Variants in MOB3B observed in about 807,000 individuals in gnomAD.
MOB3B encodes MOB kinase activator 3B.
MOB3B carries 7 observed loss-of-function variants against 18.7 expected under a neutral mutation model. The observed-to-expected ratio is 0.37, with a 90% confidence interval of 0.21 to 0.70. The LOEUF (loss-of-function observed/expected upper bound fraction) is 0.70, where lower values mean the gene tolerates loss of function less well. Among genes scored for constraint, MOB3B ranks in the 30% least tolerant of loss-of-function variants. MOB3B has a pLI of 0.52. For synonymous variants in MOB3B, 111 were observed against 99.9 expected, an observed-to-expected ratio of 1.11 and a Z score of -0.66; for missense variants, 253 against 281.3, an observed-to-expected ratio of 0.90 and a Z score of 0.72.
At chr9:27,444,238 G>GGGAGGGAAGGAAGGAAGGAAGGAA (rs1269907922) in intron 2 of MOB3B, among the ~76,000 whole-genome samples, 5 of 107,912 alleles carry the variant, frequency 4.6e-5, no homozygotes, top group African/African-American at 1.9e-4. Flanking sequence ...GAGGGAGGGA[G>GGGAGGGAAGGAAGGAAGGAAGGAA]GGAAGGAAGG....
chr9:27,458,355 G>C (rs1819219910), intron 1 of MOB3B, among the ~76,000 whole-genome samples: 2 of 152,042 alleles, frequency 1.3e-5, no homozygotes, highest in Non-Finnish European at 2.9e-5. Flanking sequence ...TGACACCTCT[G>C]ACGGGAGCAT....
chr9:27,425,484 A>G (rs1422697824), intron 2 of MOB3B, among the ~76,000 whole-genome samples: 2 of 152,198 alleles, frequency 1.3e-5, no homozygotes, highest in South Asian at 2.1e-4. Context: ...TGTGATACAT[A>G]TAGTACCCAT....
rs1399222075 is a variant in MOB3B, at chr9:27,326,420, G to C, written c.*4167C>G. The C allele has an allele frequency of 5.0e-6, 2 of 398,356 alleles. No individual in the cohort carries two copies. Among genetic ancestry groups the C allele is most frequent in the Admixed American group, 8.8e-5 (2 of 22,714 alleles). 24.7% of individuals were successfully genotyped at this position (398,356 alleles called of 1,614,324 possible). On this transcript the variant is annotated 3_prime_UTR_variant, in exon 4 of 4. Coordinates refer to ENST00000262244, the MANE Select transcript of MOB3B (RefSeq NM_024761.5). ...TTTCACTTATTATATATCATCTTTG[G>C]ACCTTTCTAAAAGTGGGACACTAGA...
At chr9:27,518,025 A>G (rs1423345213) in intron 1 of MOB3B, among the ~76,000 whole-genome samples, 1 of 152,108 alleles carries the variant, frequency 6.6e-6, no homozygotes, top group East Asian at 1.9e-4. Flanking sequence ...AACCTCAGGC[A>G]TTGTTCAGAC....
chr9:27,377,729 T>C (rs1289960768), intron 2 of MOB3B, among the ~76,000 whole-genome samples: 1 of 152,246 alleles, frequency 6.6e-6, no homozygotes, highest in East Asian at 1.9e-4. Flanking sequence ...CTGTGACCTA[T>C]AAAAAGTTTT....
chr9:27,487,157 T>TAAATAAATA (rs1563880747), intron 1 of MOB3B, among the ~76,000 whole-genome samples: 19 of 146,800 alleles, frequency 1.3e-4, no homozygotes, highest in East Asian at 9.9e-4. Flanking sequence ...ATAAATAAAA[T>TAAATAAATA]AAATAAATAA....
At chr9:27,391,930 A>G (rs183061208) in intron 2 of MOB3B, among the ~76,000 whole-genome samples, 6 of 152,390 alleles carry the variant, frequency 3.9e-5, no homozygotes, top group Non-Finnish European at 1.5e-5. Context: ...TATAATTCAC[A>G]AAATTGAGCT....
intron 3 of MOB3B, among the ~76,000 whole-genome samples, chr9:27,334,959 G>T (rs981300748): frequency 2.0e-5 from 3 of 152,186 alleles, no homozygotes; most frequent in Non-Finnish European, 4.4e-5. Flanking sequence ...GAGTAGCTGG[G>T]ACTACAGATG....
chr9:27,394,038 G>C (rs1305386987), intron 2 of MOB3B: 3 of 152,194 alleles, frequency 2.0e-5, no homozygotes, highest in African/African-American at 7.2e-5. Context: ...GGAGGCAAAA[G>C]TTTTGTGGAA....
chr9:27,357,886 T>TCCAAAAAAAAAAAAA (rs1563849115), intron 3 of MOB3B, among the ~76,000 whole-genome samples: 1 of 25,316 alleles, frequency 4.0e-5, no homozygotes, highest in African/African-American at 1.5e-4. Context: ...ATCCCATCGC[T>TCCAAAAAAAAAAAAA]ACAAAAAAAA....
At position 27,455,421 on chromosome 9, in the gene MOB3B, G is replaced by A. The variant is rs772411093; in HGVS notation, c.130C>T (p.Leu44=). Residue 44 remains leucine, a synonymous_variant, in exon 2 of 4, where the codon CTG becomes TTG. Coordinates refer to ENST00000262244, the MANE Select transcript of MOB3B (RefSeq NM_024761.5). Reference sequence around the variant, plus strand: ...CTGGGCAACTGCACAGCCGCCTTCAGGTCCACACCCGAGTTGAGGGATGCC... The same window carrying A: ...CTGGGCAACTGCACAGCCGCCTTCAAGTCCACACCCGAGTTGAGGGATGCC... ...AQASLNSGVD[L]KAAVQLPSGE... 6.8e-6 allele frequency: 11 copies of A among 1,614,194 alleles called. No homozygotes were observed. Among genetic ancestry groups the A allele is most frequent in the Non-Finnish European group, 9.3e-6 (11 of 1,180,040 alleles).
At chr9:27,369,936 CTTTTTT>C (rs59186320) in intron 2 of MOB3B, among the ~76,000 whole-genome samples, 34 of 125,934 alleles carry the variant, frequency 2.7e-4, no homozygotes, top group Admixed American at 4.0e-4. Context: ...TTTAATTGTC[CTTTTTT>C]TTTTTTTTTT....
Position 27,430,362 on chromosome 9 carries a change from GC to G in MOB3B, c.418+24770del, listed in dbSNP as rs560073844. Among the ~76,000 whole-genome samples the G allele has an allele frequency of 8.5e-5, 13 of 152,208 alleles. 1 individual carries two copies. In the South Asian group the frequency reaches 2.7e-3, roughly 32 times the overall value. On this transcript the variant is annotated intron_variant, in intron 2 of 3. Coordinates refer to ENST00000262244, the MANE Select transcript of MOB3B (RefSeq NM_024761.5). The stretch of plus-strand genomic sequence containing the variant: ...CCAAAGGCAATCATAAGTGGCAAGT[GC>G]TATGGAGCCATGGTTTTCAAATTGT...
intron 1 of MOB3B, among the ~76,000 whole-genome samples, chr9:27,498,002 A>T (rs1260722778): frequency 6.6e-6 from 1 of 152,224 alleles, no homozygotes; most frequent in Non-Finnish European, 1.5e-5. Context: ...CATGAATATG[A>T]ATAGATGGAG....
At chr9:27,331,697 G>A (rs1013985004) in intron 3 of MOB3B, among the ~76,000 whole-genome samples, 1 of 152,176 alleles carries the variant, frequency 6.6e-6, no homozygotes, top group Non-Finnish European at 1.5e-5. Context: ...ATCTTGAGAA[G>A]ACAAGTTTCA....
At chr9:27,447,301 C>T (rs1279749143) in intron 2 of MOB3B, among the ~76,000 whole-genome samples, 1 of 152,176 alleles carries the variant, frequency 6.6e-6, no homozygotes. Context: ...AGACAGCCTG[C>T]CTCTCCAAGC....
chr9:27,360,385 A>T (rs1821257721), intron 2 of MOB3B, among the ~76,000 whole-genome samples: 1 of 152,274 alleles, frequency 6.6e-6, no homozygotes, highest in East Asian at 1.9e-4. Context: ...TGCGCCTGTA[A>T]TCCCAGCTAC....
intron 1 of MOB3B, among the ~76,000 whole-genome samples, chr9:27,488,568 C>T (rs62542381): frequency 0.17 from 25,287 of 152,080 alleles, 2,833 homozygotes; most frequent in Non-Finnish European, 0.24. Context: ...CCACCACACT[C>T]GGCTAACTTT....
intron 1 of MOB3B, among the ~76,000 whole-genome samples, chr9:27,518,578 C>T (rs185793652): frequency 1.4e-4 from 22 of 152,252 alleles, no homozygotes; most frequent in African/African-American, 5.3e-4. Flanking sequence ...TGCTACATTT[C>T]TTTTTATCAG....
Sources: allele counts gnomAD v4.1 joint callset (sites outside exome capture counted in the v4.1 genomes callset), GRCh38; gene constraint gnomAD v4.1.1; transcripts MANE v1.5; gene names NCBI Gene and HGNC (gene_info 2026-07-23, HGNC 2026-07-21).